Variants in NAV3 observed in about 807,000 individuals in gnomAD.
The protein encoded by NAV3 is pore membrane and/or filament interacting like protein 1.
Under a neutral mutation model 244.7 loss-of-function variants are expected in NAV3, and 87 were observed. The ratio of observed to expected loss-of-function variants is 0.36; its 90% CI spans 0.30 to 0.42. The LOEUF (loss-of-function observed/expected upper bound fraction) is 0.42. Among genes scored for constraint, NAV3 ranks in the 20% least tolerant of loss-of-function variants. The pLI, the probability that NAV3 is intolerant of heterozygous loss-of-function variation, is 1.00. For synonymous variants in NAV3, 1,126 were observed against 1,042.2 expected, an observed-to-expected ratio of 1.08 and a Z score of -1.55; for missense variants, 2,663 against 2,893.3, an observed-to-expected ratio of 0.92 and a Z score of 1.83.
At chr12:78,057,173 A>G (rs1250187126) in intron 11 of NAV3, among the ~76,000 whole-genome samples, 1 of 152,196 alleles carries the variant, frequency 6.6e-6, no homozygotes, top group Non-Finnish European at 1.5e-5. Context: ...GAAAATTGGG[A>G]TAAAAGTTAC....
intron 2 of NAV3, among the ~76,000 whole-genome samples, chr12:77,674,248 G>A (rs539238243): frequency 2.6e-5 from 4 of 152,292 alleles, no homozygotes; most frequent in East Asian, 1.9e-4. Context: ...GTAATATTCA[G>A]TGGGCTGACT....
At chr12:77,966,989 C>A (rs1350985962) in intron 4 of NAV3, among the ~76,000 whole-genome samples, 2 of 151,966 alleles carry the variant, frequency 1.3e-5, no homozygotes, top group African/African-American at 2.4e-5. Flanking sequence ...CTTGAGAACA[C>A]TGATATTTAA....
At chr12:78,159,147 A>G (rs761086583) in intron 22 of NAV3, 56 bp from the exon 23 acceptor site, 73 of 1,456,942 alleles carry the variant, frequency 5.0e-5, no homozygotes, top group Non-Finnish European at 5.0e-5. Flanking sequence ...AAGGCTTTTC[A>G]TCCATCCACA....
chr12:78,155,842 G>C (rs1369476606), intron 22 of NAV3, among the ~76,000 whole-genome samples: 2 of 151,904 alleles, frequency 1.3e-5, no homozygotes, highest in African/African-American at 4.8e-5. Flanking sequence ...TTTTTAATGG[G>C]GAAGTTTGTT....
At chr12:77,635,066 TA>T (rs1437510200) in intron 2 of NAV3, among the ~76,000 whole-genome samples, 1 of 152,032 alleles carries the variant, frequency 6.6e-6, no homozygotes, top group Non-Finnish European at 1.5e-5. Context: ...CTGTCTCTAC[TA>T]AGAACACAAA....
chr12:78,205,794 A>T (rs900193848), intron 39 of NAV3, among the ~76,000 whole-genome samples: 1 of 152,150 alleles, frequency 6.6e-6, no homozygotes, highest in South Asian at 2.1e-4. Flanking sequence ...ATATATTGGT[A>T]TCAAATGTGA....
intron 2 of NAV3, among the ~76,000 whole-genome samples, chr12:77,588,591 C>A (rs567236619): frequency 8.5e-5 from 13 of 152,110 alleles, no homozygotes; most frequent in Non-Finnish European, 1.6e-4. Flanking sequence ...GTTTCAGGCA[C>A]CTTAAGTCCC....
At chr12:77,990,957 A>G (rs1230899030) in intron 5 of NAV3, among the ~76,000 whole-genome samples, 1 of 152,164 alleles carries the variant, frequency 6.6e-6, no homozygotes, top group African/African-American at 2.4e-5. Flanking sequence ...TGCTGTTACA[A>G]CACTTATGGT....
At chr12:77,932,626 T>C (rs1389032160) in intron 1 of NAV3, among the ~76,000 whole-genome samples, 1 of 152,196 alleles carries the variant, frequency 6.6e-6, no homozygotes, top group East Asian at 1.9e-4. Flanking sequence ...GTAAGTAATC[T>C]GTCTTTACTT....
chr12:77,727,487 C>T (rs986787164), intron 2 of NAV3, among the ~76,000 whole-genome samples: 2 of 151,258 alleles, frequency 1.3e-5, no homozygotes, highest in African/African-American at 4.9e-5. Flanking sequence ...TAGAATATTA[C>T]CAAGTCAAGG....
At chr12:77,726,418 A>AT (rs1180037932) in intron 2 of NAV3, among the ~76,000 whole-genome samples, 1 of 151,936 alleles carries the variant, frequency 6.6e-6, no homozygotes, top group African/African-American at 2.4e-5. Flanking sequence ...AATAAATGGG[A>AT]TTTTAGTCAT....
At chr12:77,980,782 T>C (rs1417334548) in intron 5 of NAV3, among the ~76,000 whole-genome samples, 1 of 152,184 alleles carries the variant, frequency 6.6e-6, no homozygotes. Flanking sequence ...GTGGAAAATC[T>C]AATTTATGGT....
intron 2 of NAV3, among the ~76,000 whole-genome samples, chr12:77,645,885 A>G (rs1454147709): frequency 6.6e-6 from 1 of 152,098 alleles, no homozygotes; most frequent in African/African-American, 2.4e-5. Flanking sequence ...TCAAAAAGTG[A>G]CCAAGGCTAG....
At chr12:78,057,082 T>C (rs1225881891) in intron 11 of NAV3, among the ~76,000 whole-genome samples, 1 of 152,168 alleles carries the variant, frequency 6.6e-6, no homozygotes, top group Non-Finnish European at 1.5e-5. Context: ...TGTCAGTAAT[T>C]AGGAATTAGT....
intron 2 of NAV3, among the ~76,000 whole-genome samples, chr12:77,787,735 C>T (rs913672928): frequency 2.0e-5 from 3 of 152,140 alleles, no homozygotes; most frequent in Non-Finnish European, 4.4e-5. Flanking sequence ...GGGGACACAG[C>T]CAAACCATAT....
At position 77,885,371 on chromosome 12, in the gene NAV3, A is replaced by G. The variant is rs1883163009; in HGVS notation, c.243+53667A>G. Among the ~76,000 whole-genome samples, 7 of 152,190 alleles carry G rather than the reference A, an allele frequency of 4.6e-5. No individual in the cohort carries two copies. In the South Asian group the frequency reaches 1.2e-3, roughly 27 times the overall value. ...GTTGTACTGCTGCTTTTTTTCTGCTACTAGTTTTGTATATATGTCTCTTAT... is the reference window on the plus strand; with the variant it reads ...GTTGTACTGCTGCTTTTTTTCTGCTGCTAGTTTTGTATATATGTCTCTTAT... On this transcript the variant is annotated intron_variant, in intron 1 of 39. Coordinates refer to ENST00000397909, the MANE Select transcript of NAV3 (RefSeq NM_001024383.2).
rs757771100 is a variant in NAV3 at position 78,168,778 on chromosome 12, A to G, written c.4893A>G (p.Arg1631=). ...AGGAATCTGAACTTATAGAACTAAG[A>G]GAAACCATTGAAATGCTGAAGGCTC... ...EQKESELIEL[R]ETIEMLKAQN... Residue 1631 remains arginine, a synonymous_variant, in exon 24 of 40, where the codon AGA becomes AGG. Coordinates refer to ENST00000397909, the MANE Select transcript of NAV3 (RefSeq NM_001024383.2). The G allele has an allele frequency of 6.2e-7, 1 of 1,610,076 alleles. No individual in the cohort carries two copies. The highest frequency in any genetic ancestry group is 8.5e-7 in the Non-Finnish European group (1 of 1,177,478).
At chr12:77,968,401 G>A in intron 4 of NAV3, 118 bp from the exon 5 acceptor site, 1 of 784,054 alleles carries the variant, frequency 1.3e-6, no homozygotes, top group South Asian at 1.6e-5. Flanking sequence ...CTGTGACTGA[G>A]AGAATTAAGT....
In NAV3 at chr12:78,007,127, C is replaced by A. The variant is rs772871173; in HGVS notation, c.1589C>A (p.Pro530Gln). Residue 530 changes from proline to glutamine, a missense_variant, in exon 8 of 40, where the codon CCA (proline) becomes CAA (glutamine). Around this residue, in one of 6 missense-constraint regions of NAV3, gnomAD observed 1,521 missense variants for 1,497.0 expected, o/e 1.02. Transcript: ENST00000397909. Reference protein sequence around the residue: ...LIPSSSGIPKPGSKVPTVKQT... With the variant: ...LIPSSSGIPKQGSKVPTVKQT... ...CCGTCTTCCAGTGGTATTCCAAAAC[C>A]AGGCTCTAAAGTTCCAACAGTAAAG... The A allele has an allele frequency of 6.2e-7, 1 of 1,614,106 alleles. No homozygotes were observed. The highest frequency in any genetic ancestry group is 8.5e-7 in the Non-Finnish European group (1 of 1,180,034).
Sources: allele counts gnomAD v4.1 joint callset (sites outside exome capture counted in the v4.1 genomes callset), GRCh38; gene constraint gnomAD v4.1.1; regional missense constraint gnomAD v4.1.1; transcripts MANE v1.5; gene names NCBI Gene and HGNC (gene_info 2026-07-23, HGNC 2026-07-21).